Variants in KLKB1 observed in about 807,000 individuals in gnomAD.
The protein encoded by KLKB1 is kallikrein B1.
KLKB1 carries 58 observed loss-of-function variants against 73.6 expected under a neutral mutation model. That is an observed-to-expected ratio of 0.79 (90% CI 0.64 to 0.98). KLKB1 has a LOEUF of 0.98. Among genes scored for constraint, KLKB1 ranks in the 50% least tolerant of loss-of-function variants. The probability of loss-of-function intolerance (pLI) is 0.00; values close to 1 mark genes in which losing one functional copy is unlikely to be tolerated. For synonymous variants in KLKB1, 280 were observed against 258.1 expected (o/e 1.08, Z -0.81); for missense variants, 737 against 763.8 (o/e 0.96, Z 0.41).
rs143866894 is a variant in KLKB1, at chr4:186,258,196, T to A, written c.1901T>A (p.Met634Lys). The change falls in exon 15 of 15, where the codon ATG becomes AAG. Residue 634 changes from methionine to lysine, a missense_variant. Met to Lys is a moderately conservative substitution (Grantham distance 95). Transcript: ENST00000264690. The stretch of plus-strand genomic sequence containing the variant: ...CAGAGCAGTGATGGAAAAGCTCAGA[T>A]GCAGTCACCAGCATGAGAAGCAGTC... ...KTQSSDGKAQ[M>K]QSPA 523 of 1,614,062 alleles carry A rather than the reference T, an allele frequency of 3.2e-4. 5 individuals are homozygous for A. In the African/African-American group the frequency reaches 6.2e-3, roughly 19 times the overall value.
chr4:186,244,238 T>G (rs1464423812), intron 6 of KLKB1, among the ~76,000 whole-genome samples: 2 of 146,134 alleles, frequency 1.4e-5, no homozygotes, highest in Non-Finnish European at 3.0e-5. Flanking sequence ...TAGCTTTGCT[T>G]TTGTGAGTTT....
At chr4:186,238,047 G>A (rs4253349) in intron 5 of KLKB1, among the ~76,000 whole-genome samples, 2 of 152,026 alleles carry the variant, frequency 1.3e-5, no homozygotes, top group East Asian at 1.9e-4. Flanking sequence ...TTAGTGTCAC[G>A]GAGTCTCCTG....
At chr4:186,239,404 T>C (rs113420555) in intron 6 of KLKB1, among the ~76,000 whole-genome samples, 46 of 146,472 alleles carry the variant, frequency 3.1e-4, no homozygotes, top group African/African-American at 8.1e-4. Context: ...GACAGTGATA[T>C]TGTTATAGTT....
At position 186,238,250 on chromosome 4, in the gene KLKB1, A is replaced by T. The variant is rs1737801239; in HGVS notation, c.489-6A>T. ...AAGCAAAGTAACCTCTTTTCTTCCC[A>T]TTCAGGAACAATTGCCTATTAAAGT... On this transcript the variant is annotated splice_region_variant and splice_polypyrimidine_tract_variant and intron_variant, in intron 5 of 14. Transcript: ENST00000264690. 6.3e-7 allele frequency: 1 copy of T among 1,593,058 alleles called. No individual in the cohort carries two copies. Among genetic ancestry groups the T allele is most frequent in the Non-Finnish European group, 8.6e-7 (1 of 1,160,998 alleles).
intron 6 of KLKB1, among the ~76,000 whole-genome samples, chr4:186,244,487 A>C (rs1738222107): frequency 6.6e-6 from 1 of 152,182 alleles, no homozygotes; most frequent in Non-Finnish European, 1.5e-5. Context: ...GCCTTGTGGC[A>C]GTACAGCCCA....
rs531573922 is a variant in KLKB1 at position 186,252,298 on chromosome 4, G to A, written c.1313+113G>A. The A allele has an allele frequency of 8.1e-5, 94 of 1,159,518 alleles. No individual in the cohort carries two copies. The Middle Eastern group carries it at 8.3e-4, about 10-fold the overall frequency. 71.8% of individuals were successfully genotyped at this position (1,159,518 alleles called of 1,614,324 possible). On this transcript the variant is annotated intron_variant, in intron 11 of 14. Transcript: ENST00000264690. ...TTTATGAATAGAGACGTGTTAAAGC[G>A]GGGATGGTATTCACAACATTTAACT...
chr4:186,251,778 A>G lies in KLKB1; in HGVS notation c.1061A>G (p.Asp354Gly). The change falls in exon 10 of 15, where the codon GAT (aspartate) becomes GGT (glycine). Residue 354 changes from aspartate (D) to glycine (G), a missense_variant. Physicochemically the swap from Asp to Gly is moderately conservative, Grantham distance 94. Coordinates refer to ENST00000264690, the MANE Select transcript of KLKB1 (RefSeq NM_000892.5). The stretch of plus-strand genomic sequence containing the variant: ...AAGTGTTTCTTAAGATTATCTATGG[A>G]TGGTTCTCCAACTAGGATTGCGTAT... ...KCKCFLRLSM[D>G]GSPTRIAYGT... 1 of 1,613,896 alleles carries G rather than the reference A, an allele frequency of 6.2e-7. No homozygotes were observed. The highest frequency in any genetic ancestry group is 8.5e-7 in the Non-Finnish European group (1 of 1,179,826).
At chr4:186,222,380 T>C (rs1737051135), upstream of KLKB1, among the ~76,000 whole-genome samples, 1 of 152,208 alleles carries the variant, frequency 6.6e-6, no homozygotes, top group Non-Finnish European at 1.5e-5. Flanking sequence ...AATAACTTTT[T>C]TGGAGCAATT....
chr4:186,238,134 T>C (rs1737793100), intron 5 of KLKB1, 122 bp from the exon 6 acceptor site: 1 of 734,452 alleles, frequency 1.4e-6, no homozygotes, highest in South Asian at 1.5e-5. Context: ...TGCAGACCCC[T>C]AACCCACTCA....
intron 6 of KLKB1, 28 bp downstream of exon 6, chr4:186,238,393 A>G (rs762069439): frequency 1.2e-5 from 18 of 1,486,888 alleles, no homozygotes; most frequent in Non-Finnish European, 1.6e-5. Context: ...TCACTTTGTG[A>G]TTGTGGTAGG....
At chr4:186,234,561 G>A (rs1456854726) in intron 4 of KLKB1, among the ~76,000 whole-genome samples, 1 of 152,172 alleles carries the variant, frequency 6.6e-6, no homozygotes, top group East Asian at 1.9e-4. Flanking sequence ...ATTCTACAAG[G>A]CACAGGGCAG....
chr4:186,230,890 C>T (rs927271456), intron 2 of KLKB1, among the ~76,000 whole-genome samples: 1 of 152,196 alleles, frequency 6.6e-6, no homozygotes, highest in African/African-American at 2.4e-5. Flanking sequence ...ACCAACTCCT[C>T]CATGTTTTGT....
chr4:186,236,667 T>C, intron 4 of KLKB1, 114 bp from the exon 5 acceptor site: 1 of 952,202 alleles, frequency 1.1e-6, no homozygotes, highest in South Asian at 1.4e-5. Context: ...ATATAGCAGT[T>C]GCCAAAACTG....
intron 2 of KLKB1, among the ~76,000 whole-genome samples, chr4:186,217,077 A>G (rs1309352059): frequency 6.6e-6 from 1 of 152,194 alleles, no homozygotes; most frequent in Non-Finnish European, 1.5e-5. Flanking sequence ...CCTCTTTTCA[A>G]TTTAGTTCTG....
chr4:186,236,542 A>G (rs1177969979), intron 4 of KLKB1, among the ~76,000 whole-genome samples: 2 of 152,176 alleles, frequency 1.3e-5, no homozygotes, highest in African/African-American at 4.8e-5. Context: ...GCAGTTTAAG[A>G]AGTGAAGTAA....
intron 6 of KLKB1, among the ~76,000 whole-genome samples, chr4:186,249,803 A>G (rs1303760198): frequency 6.6e-6 from 1 of 152,230 alleles, no homozygotes. Flanking sequence ...AATGATAATA[A>G]AAGTGGATTG....
At chr4:186,218,716 A>C (rs1736965868) in intron 2 of KLKB1, among the ~76,000 whole-genome samples, 1 of 152,098 alleles carries the variant, frequency 6.6e-6, no homozygotes, top group Admixed American at 6.6e-5. Flanking sequence ...TATACGATAC[A>C]GTATTATGAA....
rs368381838 is a variant in KLKB1 at position 186,248,382 on chromosome 4, C to T, written c.599-1861C>T. Among the ~76,000 whole-genome samples the T allele has an allele frequency of 4.7e-4, 71 of 152,162 alleles. No homozygotes were observed. The South Asian group carries it at 0.015, about 32-fold the overall frequency. ...TAAATCTACTTTCCATGTCTGTGGA[C>T]TTGACTCTTCGGGACATTTTACATA... On this transcript the variant is annotated intron_variant, in intron 6 of 14. Coordinates refer to ENST00000264690, the MANE Select transcript of KLKB1 (RefSeq NM_000892.5).
intron 2 of KLKB1, chr4:186,212,784 G>C (rs1403509269): frequency 6.6e-6 from 1 of 152,222 alleles, no homozygotes; most frequent in Non-Finnish European, 1.5e-5. Flanking sequence ...CCTGTAGCCT[G>C]GGCCATTTAA....
Sources: allele counts gnomAD v4.1 joint callset (sites outside exome capture counted in the v4.1 genomes callset), GRCh38; gene constraint gnomAD v4.1.1; transcripts MANE v1.5; gene names NCBI Gene and HGNC (gene_info 2026-07-23, HGNC 2026-07-21).